The following PSD3 variants were observed in gnomAD, a reference collection of about 807,000 sequenced individuals.
PSD3 encodes pleckstrin and Sec7 domain containing 3, also known as PH and SEC7 domain-containing protein 3.
A neutral mutation model predicts 105.5 loss-of-function variants in PSD3; 49 were observed. The ratio of observed to expected loss-of-function variants is 0.46; its 90% confidence interval spans 0.37 to 0.59. PSD3 has a LOEUF of 0.59. Among genes scored for constraint, PSD3 ranks in the 20% least tolerant of loss-of-function variants. The pLI is 0.00. For missense variants in PSD3, 1,561 were observed against 1,263.8 expected (o/e 1.24, Z -3.57); for synonymous variants, 557 against 457.8 (o/e 1.22, Z -2.77).
At chr8:18,546,716 C>T (rs1800472064) in intron 15 of PSD3, among the ~76,000 whole-genome samples, 2 of 152,120 alleles carry the variant, frequency 1.3e-5, no homozygotes, top group Non-Finnish European at 2.9e-5. Context: ...CCATGTTGTA[C>T]ATTAGGTCTC....
intron 11 of PSD3, among the ~76,000 whole-genome samples, chr8:18,604,860 T>G (rs989960125): frequency 6.6e-6 from 1 of 152,234 alleles, no homozygotes; most frequent in South Asian, 2.1e-4. Flanking sequence ...CAAACTTTAG[T>G]GGCTTCCATG....
At chr8:18,568,650 A>T (rs1320992707) in intron 14 of PSD3, among the ~76,000 whole-genome samples, 2 of 151,798 alleles carry the variant, frequency 1.3e-5, no homozygotes, top group African/African-American at 4.8e-5. Flanking sequence ...TCTCCTCTGG[A>T]TTACTGAAAA....
intron 11 of PSD3, among the ~76,000 whole-genome samples, chr8:18,613,169 C>A (rs1309401653): frequency 6.6e-6 from 1 of 152,074 alleles, no homozygotes; most frequent in Admixed American, 6.5e-5. Flanking sequence ...ACCCCTCCTG[C>A]CCCCAACACC....
At chr8:18,581,528 T>A (rs1802818500) in intron 12 of PSD3, among the ~76,000 whole-genome samples, 1 of 152,170 alleles carries the variant, frequency 6.6e-6, no homozygotes, top group South Asian at 2.1e-4. Flanking sequence ...TGTGCAAATA[T>A]TTAAATCAGC....
At chr8:18,802,786 T>C (rs1334494147) in intron 6 of PSD3, among the ~76,000 whole-genome samples, 1 of 152,208 alleles carries the variant, frequency 6.6e-6, no homozygotes, top group African/African-American at 2.4e-5. Flanking sequence ...GAAAATTAAA[T>C]GCTGACTAGG....
At chr8:18,828,398 C>T (rs1029612947) in intron 4 of PSD3, among the ~76,000 whole-genome samples, 3 of 152,104 alleles carry the variant, frequency 2.0e-5, no homozygotes, top group African/African-American at 7.2e-5. Context: ...TTCATTTATA[C>T]GTTACAGCAA....
At chr8:18,631,702 G>A (rs28489861) in intron 11 of PSD3, among the ~76,000 whole-genome samples, 8,488 of 151,896 alleles carry the variant, frequency 0.056, 497 homozygotes, top group African/African-American at 0.15. Flanking sequence ...AGAAGATATG[G>A]TGGATGCACT....
At chr8:18,653,161 A>T (rs1352496507) in intron 10 of PSD3, among the ~76,000 whole-genome samples, 6 of 152,178 alleles carry the variant, frequency 3.9e-5, no homozygotes, top group Non-Finnish European at 7.3e-5. Flanking sequence ...CCACAGGAGG[A>T]AACACTGAAA....
At chr8:18,613,140 A>C (rs923417219) in intron 11 of PSD3, among the ~76,000 whole-genome samples, 2 of 152,120 alleles carry the variant, frequency 1.3e-5, no homozygotes, top group Non-Finnish European at 1.5e-5. Flanking sequence ...CCAGTGATAG[A>C]GACAGGAGGC....
chr8:18,556,514 C>G (rs1801084221), intron 14 of PSD3, among the ~76,000 whole-genome samples, 162 bp from the exon 15 acceptor site: 1 of 152,230 alleles, frequency 6.6e-6, no homozygotes, highest in African/African-American at 2.4e-5. Flanking sequence ...ACGCCCCTGT[C>G]CACATATTTC....
At chr8:18,905,031 T>C (rs1299448123) in intron 2 of PSD3, among the ~76,000 whole-genome samples, 1 of 152,182 alleles carries the variant, frequency 6.6e-6, no homozygotes. Flanking sequence ...ATACATACCA[T>C]ATTAAATTAT....
chr8:18,916,607 T>A (rs7841001), intron 2 of PSD3, among the ~76,000 whole-genome samples: 1 of 151,730 alleles, frequency 6.6e-6, no homozygotes, highest in African/African-American at 2.4e-5. Flanking sequence ...GAGGTGTTGG[T>A]CAAATGGAAC....
At chr8:18,785,010 T>C (rs1222232825) in intron 8 of PSD3, among the ~76,000 whole-genome samples, 1 of 152,154 alleles carries the variant, frequency 6.6e-6, no homozygotes, top group Non-Finnish European at 1.5e-5. Context: ...CCTAACAACC[T>C]GTCCCCTTGC....
chr8:18,848,129 G>GA (rs1815249583), intron 4 of PSD3, among the ~76,000 whole-genome samples: 1 of 110,108 alleles, frequency 9.1e-6, no homozygotes, highest in African/African-American at 3.3e-5. Context: ...GCTTTCGAGA[G>GA]TTAAAAAAAA....
intron 11 of PSD3, among the ~76,000 whole-genome samples, chr8:18,620,350 T>TTTTTTG (rs1300720002): frequency 9.0e-5 from 13 of 144,130 alleles, no homozygotes; most frequent in Admixed American, 3.4e-4. Context: ...GTGTTTTTTT[T>TTTTTTG]TTTTTTTTTT....
intron 8 of PSD3, among the ~76,000 whole-genome samples, chr8:18,795,409 C>T (rs532323235): frequency 1.1e-3 from 163 of 152,308 alleles, no homozygotes; most frequent in Admixed American, 2.4e-3. Flanking sequence ...TACTGGAGAA[C>T]AGAGGGATGC....
chr8:18,810,385 A>G (rs545869174), intron 4 of PSD3, among the ~76,000 whole-genome samples: 206 of 152,284 alleles, frequency 1.4e-3, no homozygotes, highest in Non-Finnish European at 2.6e-3. Flanking sequence ...ACTGTAGCTA[A>G]TCCTGGAAAA....
intron 2 of PSD3, among the ~76,000 whole-genome samples, chr8:18,926,996 C>T (rs1821407701): frequency 6.6e-6 from 1 of 152,060 alleles, no homozygotes; most frequent in Non-Finnish European, 1.5e-5. Flanking sequence ...TCCCTGGGCT[C>T]AGTTAATTAG....
At chr8:18,980,430 A>G (rs11987117) in intron 1 of PSD3, among the ~76,000 whole-genome samples, 115,699 of 152,024 alleles carry the variant, frequency 0.76, 45,656 homozygotes, top group Middle Eastern at 0.89. Context: ...TGAAAGTAGC[A>G]CCTAGTTGGG....
Sources: allele counts gnomAD v4.1 joint callset (sites outside exome capture counted in the v4.1 genomes callset), GRCh38; gene constraint gnomAD v4.1.1; transcripts MANE v1.5; gene names NCBI Gene and HGNC (gene_info 2026-07-23, HGNC 2026-07-21).